Variants in MDN1 observed in about 807,000 individuals in gnomAD.
MDN1 encodes midasin AAA ATPase 1.
A neutral mutation model predicts 669.2 loss-of-function variants in MDN1; 266 were observed. The observed-to-expected ratio is 0.40, with a 90% confidence interval of 0.36 to 0.44. The LOEUF is 0.44. MDN1 is among the 20% of genes least tolerant of loss of function. MDN1 has a pLI of 1.00. For missense variants in MDN1, 5,940 were observed against 6,754.0 expected (o/e 0.88, Z 4.22); for synonymous variants, 2,385 against 2,457.1 (o/e 0.97, Z 0.87).
chr6:89,652,692 C>A (rs1451113477), intron 94 of MDN1, among the ~76,000 whole-genome samples: 1 of 152,100 alleles, frequency 6.6e-6, no homozygotes, highest in South Asian at 2.1e-4. Flanking sequence ...CCTGAAGATT[C>A]CTTACACAAG....
intron 31 of MDN1, 73 bp from the exon 32 acceptor site, chr6:89,740,451 A>G: frequency 7.3e-7 from 1 of 1,366,458 alleles, no homozygotes; most frequent in East Asian, 2.7e-5. Context: ...AATGCTCTTT[A>G]AAAGAAAAAA....
intron 1 of MDN1, 108 bp from the exon 2 acceptor site, chr6:89,803,662 A>T: frequency 1.3e-6 from 1 of 794,636 alleles, no homozygotes; most frequent in Non-Finnish European, 2.0e-6. Context: ...GCTCACTGCA[A>T]GCTCCACCTC....
At chr6:89,684,284 A>G (rs1012670285) in intron 71 of MDN1, among the ~76,000 whole-genome samples, 1 of 152,070 alleles carries the variant, frequency 6.6e-6, no homozygotes, top group South Asian at 2.1e-4. Context: ...CAAAGGCTGC[A>G]GTGAGCTGAG....
intron 15 of MDN1, among the ~76,000 whole-genome samples, chr6:89,766,943 C>T (rs925753056): frequency 6.6e-6 from 1 of 152,088 alleles, no homozygotes; most frequent in African/African-American, 2.4e-5. Flanking sequence ...TCTTTCATTG[C>T]CAAGCTCTCC....
Position 89,661,569 on chromosome 6 carries a change from C to A in MDN1, c.14575G>T (p.Asp4859Tyr), listed in dbSNP as rs1809768681. 1.2e-6 allele frequency: 2 copies of A among 1,613,838 alleles called. No homozygotes were observed. Among genetic ancestry groups the A allele is most frequent in the East Asian group, 4.5e-5 (2 of 44,878 alleles). Residue 4859 changes from aspartate (D) to tyrosine (Y), a missense_variant, in exon 88 of 102, where the codon GAT becomes TAT. Around this residue, in one of 5 missense-constraint regions of MDN1, gnomAD observed 2,280 missense variants for 2,576.3 expected, o/e 0.88. Coordinates refer to ENST00000369393, the MANE Select transcript of MDN1 (RefSeq NM_014611.3). ...TGGTAAGGGTCCACCTCATTTTCAT[C>A]ATAGTCCCTCTTTGGGACAATGGAG... ...INEQIDERDYDENEVDPYHGN... is the reference protein window; with the variant it reads ...INEQIDERDYYENEVDPYHGN...
intron 19 of MDN1, among the ~76,000 whole-genome samples, chr6:89,756,688 C>T (rs1054143318): frequency 7.2e-5 from 11 of 152,016 alleles, no homozygotes; most frequent in African/African-American, 2.2e-4. Flanking sequence ...TTTGGGAGGC[C>T]GAGGCCGGTG....
Position 89,689,953 on chromosome 6 carries a change from T to C in MDN1, c.10940A>G (p.His3647Arg). 1 of 1,614,212 alleles carries C rather than the reference T, an allele frequency of 6.2e-7. No homozygotes were observed. The highest frequency in any genetic ancestry group is 8.5e-7 in the Non-Finnish European group (1 of 1,180,040). Residue 3647 changes from histidine to arginine, a missense_variant, in exon 65 of 102, where the codon CAT (histidine) becomes CGT (arginine). This residue lies in a region of MDN1 where 2,280 missense variants were observed against 2,576.3 expected (regional missense o/e 0.88). Transcript: ENST00000369393. Reference sequence around the variant, plus strand: ...CAGGCTGAGGTAATGCTTTGCTTCATGTGGCGGCAGAGTCTGTTGATACCA... The same window carrying C: ...CAGGCTGAGGTAATGCTTTGCTTCACGTGGCGGCAGAGTCTGTTGATACCA... The part of the protein sequence containing the change: ...SLWYQQTLPP[H>R]EAKHYLSLFL...
intron 16 of MDN1, 127 bp downstream of exon 16, chr6:89,762,192 A>G (rs1817579521): frequency 1.3e-6 from 1 of 751,286 alleles, no homozygotes; most frequent in Admixed American, 3.0e-5. Context: ...ATACTTCACA[A>G]TTAGTCACTT....
intron 76 of MDN1, among the ~76,000 whole-genome samples, chr6:89,676,599 A>G (rs1811211679): frequency 6.6e-6 from 1 of 152,220 alleles, no homozygotes; most frequent in Non-Finnish European, 1.5e-5. Context: ...TGAGGGCTCA[A>G]GTAAGCTGGA....
intron 13 of MDN1, among the ~76,000 whole-genome samples, chr6:89,773,918 T>C (rs1336967534): frequency 6.7e-6 from 1 of 149,730 alleles, no homozygotes; most frequent in African/African-American, 2.5e-5. Context: ...TGGACCAAGA[T>C]CGCACCACTG....
chr6:89,747,072 C>T (rs1816675717), intron 27 of MDN1, among the ~76,000 whole-genome samples: 1 of 152,178 alleles, frequency 6.6e-6, no homozygotes, highest in South Asian at 2.1e-4. Flanking sequence ...CCCAAAGAGG[C>T]TATGTCCATA....
chr6:89,658,395 C>T, intron 89 of MDN1, 25 bp from the exon 90 acceptor site: 3 of 1,613,562 alleles, frequency 1.9e-6, no homozygotes, highest in Non-Finnish European at 1.7e-6. Context: ...TCAAACACAG[C>T]ATTAAATGCT....
Position 89,732,706 on chromosome 6 carries a change from C to T in MDN1, c.4793G>A (p.Cys1598Tyr), listed in dbSNP as rs1156340631. The T allele has an allele frequency of 1.2e-6, 2 of 1,614,124 alleles. No individual in the cohort carries two copies. Among genetic ancestry groups the T allele is most frequent in the Non-Finnish European group, 8.5e-7 (1 of 1,180,010 alleles). ...CAGGATATCTCTGATACTGACCACACACTTTCTGCCAAACTCTTGGTGGGT... is the reference window on the plus strand; with the variant it reads ...CAGGATATCTCTGATACTGACCACATACTTTCTGCCAAACTCTTGGTGGGT... ...WLTHQEFGRK[C>Y]VVSIRDILSW... Residue 1598 changes from cysteine to tyrosine, a missense_variant, in exon 34 of 102, where the codon TGT (cysteine) becomes TAT (tyrosine). By Grantham distance (194) the Cys-to-Tyr change is radical. This residue lies in a region of MDN1 where 2,292 missense variants were observed against 2,638.3 expected (regional missense o/e 0.87). Coordinates refer to ENST00000369393, the MANE Select transcript of MDN1 (RefSeq NM_014611.3).
Position 89,654,159 on chromosome 6 carries a change from C to A in MDN1, c.15661+5G>T, listed in dbSNP as rs1584092990. 1.9e-6 allele frequency: 3 copies of A among 1,614,068 alleles called. No homozygotes were observed. The East Asian group carries it at 6.7e-5, about 36-fold the overall frequency. ...GGGAAGGGTTTGTTCACTAGCAGGACTCACCCAAGGGTGCTGTGGTGCCCG... is the reference window on the plus strand; with the variant it reads ...GGGAAGGGTTTGTTCACTAGCAGGAATCACCCAAGGGTGCTGTGGTGCCCG... On this transcript the variant is annotated splice_donor_5th_base_variant and intron_variant, in intron 93 of 101. Coordinates refer to ENST00000369393, the MANE Select transcript of MDN1 (RefSeq NM_014611.3).
intron 48 of MDN1, 105 bp downstream of exon 48, chr6:89,712,470 A>T: frequency 8.5e-7 from 1 of 1,175,420 alleles, no homozygotes; most frequent in Non-Finnish European, 1.2e-6. Context: ...CTACACAATA[A>T]ATGGCCACAG....
chr6:89,762,633 T>G lies in MDN1; in HGVS notation c.2145-103A>C, dbSNP rs547923577. ...GAGTAGGTCTCAGATTTCATTTAATTAACGTCAGAAATACTACTGAAATAT... is the reference window on the plus strand; with the variant it reads ...GAGTAGGTCTCAGATTTCATTTAATGAACGTCAGAAATACTACTGAAATAT... On this transcript the variant is annotated intron_variant, in intron 15 of 101. Coordinates refer to ENST00000369393, the MANE Select transcript of MDN1 (RefSeq NM_014611.3). The G allele has an allele frequency of 5.8e-4, 449 of 779,624 alleles. 8 individuals carry two copies. In the South Asian group the frequency reaches 7.9e-3, roughly 14 times the overall value. The allele number at this position is 779,624 out of a possible 1,614,324, so 48.3% of individuals were successfully genotyped here. A position where few individuals can be genotyped will look rare whatever the true frequency, so the allele number is the denominator to read the frequency against.
chr6:89,729,676 CG>C (rs1169943429), intron 35 of MDN1, among the ~76,000 whole-genome samples: 3 of 107,948 alleles, frequency 2.8e-5, no homozygotes, highest in Non-Finnish European at 4.0e-5. Flanking sequence ...GTTTTGTTTT[CG>C]TTTTTTTTTT....
intron 2 of MDN1, among the ~76,000 whole-genome samples, chr6:89,802,115 A>T (rs1767705328): frequency 6.6e-6 from 1 of 152,256 alleles, no homozygotes; most frequent in East Asian, 1.9e-4. Flanking sequence ...TTTATGAGAC[A>T]GAACTTTGAT....
Position 89,702,404 on chromosome 6 carries a change from C to A in MDN1, c.8149-343G>T, listed in dbSNP as rs181753273. Among the ~76,000 whole-genome samples the A allele has an allele frequency of 2.6e-5, 4 of 152,360 alleles. No individual in the cohort carries two copies. The East Asian group carries it at 5.8e-4, about 22-fold the overall frequency. On this transcript the variant is annotated intron_variant, in intron 53 of 101. Transcript: ENST00000369393. ...GCAGCTGTACCATTTTGTACTCCGA[C>A]CAGAAGTGTAGAAGAGTTTCAGTTG...
Sources: gnomAD v4.1 joint callset for allele counts (sites outside exome capture counted in the v4.1 genomes callset) on GRCh38, gnomAD v4.1.1 for gene constraint, gnomAD v4.1.1 regional missense constraint, MANE v1.5 for transcripts, NCBI Gene and HGNC (gene_info 2026-07-23, HGNC 2026-07-21) for gene names.